Variants in MAML1 observed in about 807,000 individuals in gnomAD.
The protein encoded by MAML1 is mastermind like transcriptional coactivator 1.
Under a neutral mutation model 77.1 loss-of-function variants are expected in MAML1, and 14 were observed. The ratio of observed to expected loss-of-function variants is 0.18; its 90% CI spans 0.12 to 0.28. The LOEUF (loss-of-function observed/expected upper bound fraction) is 0.28, where lower values mean the gene tolerates loss of function less well. Ranked by LOEUF, MAML1 falls within the 10% of genes least tolerant of loss-of-function variation. The probability of loss-of-function intolerance (pLI) is 1.00; values close to 1 mark genes in which losing one functional copy is unlikely to be tolerated. For missense variants in MAML1, 1,217 were observed against 1,327.8 expected (o/e 0.92, Z 1.30); for synonymous variants, 516 against 551.9 (o/e 0.93, Z 0.91).
rs193002661 is a variant in MAML1, at chr5:179,765,022, C to T, written c.316-304C>T. Among the ~76,000 whole-genome samples the T allele has an allele frequency of 1.3e-4, 17 of 130,854 alleles. 1 individual carries two copies. The highest frequency in any genetic ancestry group is 1.0e-3 in the Admixed American group (14 of 13,378). 85.8% of individuals were successfully genotyped at this position (130,854 alleles called of 152,430 possible). ...GTGTGTGTGTGTGTGTGTGTGTGTA[C>T]TCTCTGGCATTTTTTTGTTGGCTCC... On this transcript the variant is annotated intron_variant, in intron 1 of 4. Transcript: ENST00000292599.
Position 179,774,214 on chromosome 5 carries a change from C to T in MAML1, c.2388C>T (p.Ala796=), listed in dbSNP as rs1451056593. 1 of 1,613,516 alleles carries T rather than the reference C, an allele frequency of 6.2e-7. No individual in the cohort carries two copies. Among genetic ancestry groups the T allele is most frequent in the Admixed American group, 1.7e-5 (1 of 59,998 alleles). The change falls in exon 5 of 5, where the codon GCC becomes GCT. Residue 796 remains alanine (A), a synonymous_variant. Coordinates refer to ENST00000292599, the MANE Select transcript of MAML1 (RefSeq NM_014757.5). The stretch of plus-strand genomic sequence containing the variant: ...GCCAGAACACCTCCGTCTCAGCTGC[C>T]TATGGGCAGAACTCTCTGGGAAGCT... ...NVGQNTSVSA[A]YGQNSLGSSG...
chr5:179,748,596 AAG>A (rs1296412435), intron 1 of MAML1, among the ~76,000 whole-genome samples: 1 of 152,238 alleles, frequency 6.6e-6, no homozygotes, highest in Non-Finnish European at 1.5e-5. Flanking sequence ...GAATTACAGG[AAG>A]AGAGAAAACA....
At chr5:179,762,590 A>G (rs926687282) in intron 1 of MAML1, among the ~76,000 whole-genome samples, 3 of 152,200 alleles carry the variant, frequency 2.0e-5, no homozygotes, top group Non-Finnish European at 4.4e-5. Flanking sequence ...GAGCACCCAG[A>G]AGTACCAGAT....
chr5:179,752,338 A>T (rs1222365889), intron 1 of MAML1, among the ~76,000 whole-genome samples: 18 of 50,314 alleles, frequency 3.6e-4, no homozygotes, highest in South Asian at 1.9e-3. Context: ...AAAAAAAAAA[A>T]AAAAAAAAAA....
chr5:179,766,258 G>T lies in MAML1; in HGVS notation c.1248G>T (p.Gln416His). The change falls in exon 2 of 5, where the codon CAG becomes CAT. Residue 416 changes from glutamine (Q) to histidine (H), a missense_variant. Around this residue, in one of 3 missense-constraint regions of MAML1, gnomAD observed 884 missense variants for 949.3 expected, o/e 0.93. Transcript: ENST00000292599. The surrounding 1 kb of genome is among the most constrained non-coding windows in gnomAD (Gnocchi z 4.0). ...GCGAGCAGATGCTCCAGAACCCACAGCAGGCCACCCCGGCACCAGCCCCGG... is the reference window on the plus strand; with the variant it reads ...GCGAGCAGATGCTCCAGAACCCACATCAGGCCACCCCGGCACCAGCCCCGG... ...QKREQMLQNP[Q>H]QATPAPAPGQ... 4 of 1,613,754 alleles carry T rather than the reference G, an allele frequency of 2.5e-6. No homozygotes were observed. Among genetic ancestry groups the T allele is most frequent in the Non-Finnish European group, 3.4e-6 (4 of 1,179,910 alleles).
chr5:179,752,355 A>T (rs2113354124), intron 1 of MAML1, among the ~76,000 whole-genome samples: 1 of 132,154 alleles, frequency 7.6e-6, no homozygotes, highest in Non-Finnish European at 1.6e-5. Context: ...AAAAAAATAT[A>T]TATATATATA....
At chr5:179,772,008 A>G (rs1329130217) in intron 4 of MAML1, among the ~76,000 whole-genome samples, 1 of 152,220 alleles carries the variant, frequency 6.6e-6, no homozygotes, top group Non-Finnish European at 1.5e-5. Context: ...CAGGCATTTC[A>G]GAAGCATGGG....
chr5:179,746,492 G>A (rs1562552758), intron 1 of MAML1, among the ~76,000 whole-genome samples: 1 of 151,888 alleles, frequency 6.6e-6, no homozygotes, highest in Non-Finnish European at 1.5e-5. Flanking sequence ...TCCCACCTCA[G>A]CCTCCCGAGT....
At position 179,775,601 on chromosome 5, in the gene MAML1, C is replaced by G. The variant is rs1016744637; in HGVS notation, c.*724C>G. 2.7e-5 allele frequency: 27 copies of G among 985,410 alleles called. No homozygotes were observed. The South Asian group carries it at 1.2e-3, about 43-fold the overall frequency. 61.0% of individuals were successfully genotyped at this position (985,410 alleles called of 1,614,324 possible). A position where few individuals can be genotyped will look rare whatever the true frequency, so the allele number is the denominator to read the frequency against. On this transcript the variant is annotated 3_prime_UTR_variant, in exon 5 of 5. Transcript: ENST00000292599. ...TCCTAGCAGCTCCTCCTCCTCCCTC[C>G]CAAGGCCCCCAGGAATCCCTTCCTC...
rs1756134329 is a variant in MAML1 at position 179,776,388 on chromosome 5, G to C, written c.*1511G>C. On this transcript the variant is annotated 3_prime_UTR_variant, in exon 5 of 5. Transcript: ENST00000292599. ...GGGGACGAGAGGTTGTACACACATTGGTAGTTATTTTGCACCAGCAGTGCC... is the reference window on the plus strand; with the variant it reads ...GGGGACGAGAGGTTGTACACACATTCGTAGTTATTTTGCACCAGCAGTGCC... 1.0e-6 allele frequency: 1 copy of C among 985,832 alleles called. No homozygotes were observed. Among genetic ancestry groups the C allele is most frequent in the South Asian group, 4.7e-5 (1 of 21,290 alleles). The allele number at this position is 985,832 out of a possible 1,614,324, so 61.1% of individuals were successfully genotyped here. A position where few individuals can be genotyped will look rare whatever the true frequency, so the allele number is the denominator to read the frequency against.
chr5:179,764,152 C>G (rs67879510), intron 1 of MAML1, among the ~76,000 whole-genome samples: 7,137 of 152,204 alleles, frequency 0.047, 242 homozygotes, highest in African/African-American at 0.086. Flanking sequence ...GCTGCTCTCA[C>G]TCTGTAGCCC....
At position 179,746,307 on chromosome 5, in the gene MAML1, C is replaced by T. The variant is rs889181422; in HGVS notation, c.315+12880C>T. Among the ~76,000 whole-genome samples the T allele has an allele frequency of 3.3e-5, 5 of 152,186 alleles. 1 individual carries two copies. Among genetic ancestry groups the T allele is most frequent in the Middle Eastern group, 6.8e-3 (2 of 294 alleles). On this transcript the variant is annotated intron_variant, in intron 1 of 4. Coordinates refer to ENST00000292599, the MANE Select transcript of MAML1 (RefSeq NM_014757.5). The stretch of plus-strand genomic sequence containing the variant: ...ATTGCAGTGAGCGGAGATTGTGCCA[C>T]TGCACTGCAGCCTGGCGGCAGAGCG...
chr5:179,776,616 G>A lies in MAML1; in HGVS notation c.*1739G>A. The A allele has an allele frequency of 1.0e-6, 1 of 985,640 alleles. No individual in the cohort carries two copies. Among genetic ancestry groups the A allele is most frequent in the Non-Finnish European group, 1.2e-6 (1 of 829,950 alleles). 61.1% of individuals were successfully genotyped at this position (985,640 alleles called of 1,614,324 possible). A position where few individuals can be genotyped will look rare whatever the true frequency, so the allele number is the denominator to read the frequency against. On this transcript the variant is annotated 3_prime_UTR_variant, in exon 5 of 5. Transcript: ENST00000292599. Reference sequence around the variant, plus strand: ...AGTTCCCCAATCTGAAGGGGAAGAGGGTGACCTCAGCGGCTTTTCTCCCAA... The same window carrying A: ...AGTTCCCCAATCTGAAGGGGAAGAGAGTGACCTCAGCGGCTTTTCTCCCAA...
chr5:179,764,253 A>G (rs1779771812), intron 1 of MAML1, among the ~76,000 whole-genome samples: 1 of 152,174 alleles, frequency 6.6e-6, no homozygotes, highest in Admixed American at 6.5e-5. Flanking sequence ...TCTCTGGCAC[A>G]AGGCAGAATC....
chr5:179,761,956 T>C (rs939842603), intron 1 of MAML1, among the ~76,000 whole-genome samples: 1 of 152,014 alleles, frequency 6.6e-6, no homozygotes, highest in South Asian at 2.1e-4. Context: ...CTGGTGGAGT[T>C]TGGCTGACAG....
intron 1 of MAML1, among the ~76,000 whole-genome samples, chr5:179,763,481 A>C (rs1259551714): frequency 6.0e-5 from 9 of 150,700 alleles, no homozygotes; most frequent in Admixed American, 6.0e-4. Context: ...AGACCGACTT[A>C]GTTACCCATA....
intron 1 of MAML1, among the ~76,000 whole-genome samples, chr5:179,764,146 C>G (rs901671772): frequency 6.6e-6 from 1 of 152,142 alleles, no homozygotes; most frequent in African/African-American, 2.4e-5. Context: ...CTGTGTGCTG[C>G]TCTCACTCTG....
Position 179,774,184 on chromosome 5 carries a change from C to G in MAML1, c.2358C>G (p.Asn786Lys). 1 of 1,613,504 alleles carries G rather than the reference C, an allele frequency of 6.2e-7. No homozygotes were observed. Among genetic ancestry groups the G allele is most frequent in the Middle Eastern group, 1.6e-4 (1 of 6,062 alleles). Residue 786 changes from asparagine to lysine, a missense_variant, in exon 5 of 5, where the codon AAC becomes AAG. Asn to Lys is a moderately conservative substitution (Grantham distance 94). This residue lies in a region of MAML1 where 884 missense variants were observed against 949.3 expected (regional missense o/e 0.93). Transcript: ENST00000292599. ...NGHAHIPRQT[N>K]VGQNTSVSAA... The stretch of plus-strand genomic sequence containing the variant: ...ATGCCCACATTCCACGGCAGACCAA[C>G]GTGGGCCAGAACACCTCCGTCTCAG...
rs1057349245 is a variant in MAML1 at position 179,774,270 on chromosome 5, C to A, written c.2444C>A (p.Thr815Asn). 6.2e-7 allele frequency: 1 copy of A among 1,613,318 alleles called. No homozygotes were observed. Among genetic ancestry groups the A allele is most frequent in the Non-Finnish European group, 8.5e-7 (1 of 1,179,964 alleles). ...SGLSQQHNKG[T>N]LNPGLTKPPV... ...CTCTCCCAGCAGCACAATAAGGGGA[C>A]CCTGAACCCTGGTTTAACAAAGCCA... is the stretch of plus-strand genomic sequence containing the variant. The change falls in exon 5 of 5, where the codon ACC (threonine) becomes AAC (asparagine). Residue 815 changes from threonine to asparagine, a missense_variant. Coordinates refer to ENST00000292599, the MANE Select transcript of MAML1 (RefSeq NM_014757.5).
Sources: gnomAD v4.1 joint callset for allele counts (sites outside exome capture counted in the v4.1 genomes callset) on GRCh38, gnomAD v4.1.1 for gene constraint, gnomAD v4.1.1 regional missense constraint, Gnocchi (gnomAD v3.1) non-coding constraint, MANE v1.5 for transcripts, NCBI Gene and HGNC (gene_info 2026-07-23, HGNC 2026-07-21) for gene names.